The following TTL variants were observed in gnomAD, a reference collection of about 807,000 sequenced individuals.
The protein encoded by TTL is tubulin--tyrosine ligase.
Under a neutral mutation model 41.1 loss-of-function variants are expected in TTL, and 10 were observed. That is an observed-to-expected ratio of 0.24 (90% CI 0.15 to 0.41). TTL has a LOEUF of 0.41. Ranked by LOEUF, TTL falls within the 10% of genes least tolerant of loss-of-function variation. The pLI is 1.00. For synonymous variants in TTL, 175 were observed against 175.5 expected (o/e 1.00, Z 0.02); for missense variants, 367 against 460.4 (o/e 0.80, Z 1.86).
At chr2:112,507,727 G>T (rs1307193664) in intron 5 of TTL, among the ~76,000 whole-genome samples, 1 of 150,344 alleles carries the variant, frequency 6.7e-6, no homozygotes, top group Non-Finnish European at 1.5e-5. Context: ...CGTGAGATGG[G>T]TTTCCTGAAT....
At position 112,520,260 on chromosome 2, in the gene TTL, C is replaced by A. The variant is rs371296892; in HGVS notation, c.876-22C>A. The A allele has an allele frequency of 6.3e-5, 101 of 1,613,022 alleles. No homozygotes were observed. In the South Asian group the frequency reaches 9.3e-4, roughly 15 times the overall value. ...CCTTTGACCACCCCGTTCTAATGAG[C>A]ATTTCCCCTCCTGCCTCATAGGAAC... On this transcript the variant is annotated intron_variant, in intron 5 of 6. Transcript: ENST00000233336.
intron 2 of TTL, among the ~76,000 whole-genome samples, chr2:112,488,418 CAT>C (rs1574053547): frequency 6.6e-6 from 1 of 152,188 alleles, no homozygotes; most frequent in East Asian, 1.9e-4. Flanking sequence ...GCTACCCACA[CAT>C]GTAATTATAA....
intron 3 of TTL, among the ~76,000 whole-genome samples, chr2:112,497,221 A>G (rs1369984170): frequency 6.6e-6 from 1 of 152,020 alleles, no homozygotes; most frequent in African/African-American, 2.4e-5. Context: ...TCACTGTGTT[A>G]CCCAGGCTGT....
chr2:112,503,186 C>T lies in TTL; in HGVS notation c.875+5C>T, dbSNP rs771393337. The stretch of plus-strand genomic sequence containing the variant: ...ACAAATCAAACATATAATAAGGTAA[C>T]TTAATTGTATCTTTTTGGATTACGT... On this transcript the variant is annotated splice_donor_5th_base_variant and intron_variant, in intron 5 of 6. Transcript: ENST00000233336. 1 of 1,573,106 alleles carries T rather than the reference C, an allele frequency of 6.4e-7. No individual in the cohort carries two copies. Among genetic ancestry groups the T allele is most frequent in the Non-Finnish European group, 8.6e-7 (1 of 1,157,890 alleles).
In TTL at chr2:112,538,103, G is replaced by GA. The variant is rs1682631153; in HGVS notation, c.*9309dup. 6.6e-6 allele frequency: 1 copy of GA among 152,210 alleles called. No homozygotes were observed. The highest frequency in any genetic ancestry group is 6.5e-5 in the Admixed American group (1 of 15,288). 9.4% of individuals were successfully genotyped at this position (152,210 alleles called of 1,614,324 possible). On this transcript the variant is annotated 3_prime_UTR_variant, in exon 7 of 7. Transcript: ENST00000233336. ...ATTAATGAAGAAATATACAAGTAAA[G>GA]AGGTTGGACTAATAATAATTCTTTT...
At chr2:112,503,809 T>C (rs1352959244) in intron 5 of TTL, among the ~76,000 whole-genome samples, 55 of 98,446 alleles carry the variant, frequency 5.6e-4, no homozygotes, top group Non-Finnish European at 1.1e-3. Context: ...AAACTTCTTT[T>C]TTTTTTTTTT....
chr2:112,518,997 C>T (rs1422503566), intron 5 of TTL, among the ~76,000 whole-genome samples: 2 of 151,950 alleles, frequency 1.3e-5, no homozygotes, highest in African/African-American at 2.4e-5. Context: ...TTTTTCCTTC[C>T]AAATACACAG....
chr2:112,521,937 A>C (rs7578685), intron 6 of TTL, among the ~76,000 whole-genome samples: 143,899 of 152,196 alleles, frequency 0.95, 68,428 homozygotes, highest in East Asian at 1. Context: ...TAAGGCAGGG[A>C]TCCGCACCTT....
intron 2 of TTL, among the ~76,000 whole-genome samples, chr2:112,492,738 A>G (rs1195689510): frequency 6.6e-6 from 1 of 151,884 alleles, no homozygotes; most frequent in Non-Finnish European, 1.5e-5. Flanking sequence ...TCCAAAAAAA[A>G]AAATTTGCTG....
rs1682576796 is a variant in TTL, at chr2:112,535,115, A to G, written c.*6320A>G. ...AAAGGAAAGAAAGTTAGTTTATAAA[A>G]TAGAACCAAGTAGAAATTTTAGAGT... On this transcript the variant is annotated 3_prime_UTR_variant, in exon 7 of 7. Transcript: ENST00000233336. 1 of 152,212 alleles carries G rather than the reference A, an allele frequency of 6.6e-6. No homozygotes were observed. The highest frequency in any genetic ancestry group is 2.1e-4 in the South Asian group (1 of 4,836). 9.4% of individuals were successfully genotyped at this position (152,212 alleles called of 1,614,324 possible). A position where few individuals can be genotyped will look rare whatever the true frequency, so the allele number is the denominator to read the frequency against.
chr2:112,516,819 GC>G (rs1395023839), intron 5 of TTL, among the ~76,000 whole-genome samples: 8 of 152,186 alleles, frequency 5.3e-5, no homozygotes, highest in Non-Finnish European at 7.3e-5. Context: ...CTCACGTAGA[GC>G]CCAGTAGAAT....
In TTL at chr2:112,503,057, A is replaced by C. The variant is rs1336356663; in HGVS notation, c.751A>C (p.Lys251Gln). The C allele has an allele frequency of 1.2e-6, 2 of 1,614,140 alleles. No individual in the cohort carries two copies. The highest frequency in any genetic ancestry group is 8.5e-7 in the Non-Finnish European group (1 of 1,180,024). The change falls in exon 5 of 7, where the codon AAG becomes CAG. Residue 251 changes from lysine (K) to glutamine (Q), a missense_variant. By Grantham distance (53) the Lys-to-Gln change is moderately conservative. Transcript: ENST00000233336. ...TNHCIQKEYS[K>Q]NYGKYEEGNE... ...TCACTGCATTCAAAAAGAGTATTCA[A>C]AGAACTACGGGAAGTATGAAGAAGG...
At chr2:112,489,743 C>G (rs1681331866) in intron 2 of TTL, among the ~76,000 whole-genome samples, 1 of 152,148 alleles carries the variant, frequency 6.6e-6, no homozygotes, top group South Asian at 2.1e-4. Flanking sequence ...AATTCTCACA[C>G]CTGTCTGGGT....
At chr2:112,498,416 G>T (rs1681594210) in intron 3 of TTL, among the ~76,000 whole-genome samples, 1 of 152,154 alleles carries the variant, frequency 6.6e-6, no homozygotes, top group Non-Finnish European at 1.5e-5. Context: ...TATAGGCTCT[G>T]TGTGCTAAAA....
intron 2 of TTL, among the ~76,000 whole-genome samples, chr2:112,489,718 T>C (rs1008508033): frequency 2.0e-5 from 3 of 152,242 alleles, no homozygotes; most frequent in Non-Finnish European, 4.4e-5. Context: ...TATCAACTTA[T>C]GAAGTTGGAA....
Position 112,485,908 on chromosome 2 carries a change from C to G in TTL, c.158-9C>G, listed in dbSNP as rs1402820469. 1 of 1,601,658 alleles carries G rather than the reference C, an allele frequency of 6.2e-7. No homozygotes were observed. The highest frequency in any genetic ancestry group is 1.1e-5 in the South Asian group (1 of 91,014). ...TGTGTCCCTTCTGAGCCTCCTCTTT[C>G]CTTCCTAGGTCACGAGCCCGGGCTG... On this transcript the variant is annotated splice_polypyrimidine_tract_variant and intron_variant, in intron 1 of 6. Transcript: ENST00000233336.
intron 4 of TTL, among the ~76,000 whole-genome samples, chr2:112,501,944 C>T (rs569835481): frequency 6.6e-6 from 1 of 152,074 alleles, no homozygotes; most frequent in African/African-American, 2.4e-5. Context: ...TATGGTCTTG[C>T]TCATGGAATA....
intron 5 of TTL, among the ~76,000 whole-genome samples, chr2:112,511,711 C>T (rs749500482): frequency 4.0e-5 from 6 of 150,858 alleles, no homozygotes; most frequent in Non-Finnish European, 8.9e-5. Flanking sequence ...ACTACAGGCA[C>T]ATGCTATCAT....
At chr2:112,514,493 C>T (rs1181381223) in intron 5 of TTL, among the ~76,000 whole-genome samples, 1 of 151,982 alleles carries the variant, frequency 6.6e-6, no homozygotes, top group East Asian at 1.9e-4. Context: ...GACATTTGCT[C>T]TGGACATAGA....
Sources: gnomAD v4.1 joint callset for allele counts (sites outside exome capture counted in the v4.1 genomes callset) on GRCh38, gnomAD v4.1.1 for gene constraint, MANE v1.5 for transcripts, NCBI Gene and HGNC (gene_info 2026-07-23, HGNC 2026-07-21) for gene names.